The following ATP13A1 variants were observed in gnomAD, a reference collection of about 807,000 sequenced individuals.
ATP13A1 encodes the protein endoplasmic reticulum transmembrane helix translocase.
In ATP13A1, 55 loss-of-function variants were observed where a neutral mutation model predicts 134.8. The observed-to-expected ratio is 0.41, with a 90% CI of 0.33 to 0.51. ATP13A1 has a LOEUF of 0.51. Among genes scored for constraint, ATP13A1 ranks in the 20% least tolerant of loss-of-function variants. The probability of loss-of-function intolerance (pLI) is 0.29; values close to 1 mark genes in which losing one functional copy is unlikely to be tolerated. For missense variants in ATP13A1, 1,389 were observed against 1,652.8 expected, an observed-to-expected ratio of 0.84 and a Z score of 2.77; for synonymous variants, 775 against 725.1, an observed-to-expected ratio of 1.07 and a Z score of -1.10.
In ATP13A1 at chr19:19,654,610, G is replaced by A. The variant is rs756451950; in HGVS notation, c.1746C>T (p.Asp582=). Residue 582 remains aspartate, a synonymous_variant, in exon 13 of 26, where the codon GAC becomes GAT. Transcript: ENST00000357324. ...CTAGAGGGTCACCCACGAGGGTGCC[G>A]TCGTCCAGCTGCATGAGCGAGTGGC... The part of the protein sequence containing the change: ...ASCHSLMQLD[D]GTLVGDPLEK... The A allele has an allele frequency of 1.8e-5, 29 of 1,613,302 alleles. No homozygotes were observed. The highest frequency in any genetic ancestry group is 1.6e-4 in the Middle Eastern group (1 of 6,084).
In ATP13A1 at chr19:19,652,587, T is replaced by A. The variant is rs918666397; in HGVS notation, c.2226+8A>T. The A allele has an allele frequency of 1.9e-6, 3 of 1,606,714 alleles. No homozygotes were observed. The African/African-American group carries it at 4.0e-5, about 21-fold the overall frequency. On this transcript the variant is annotated splice_region_variant and intron_variant, in intron 16 of 25. Coordinates refer to ENST00000357324, the MANE Select transcript of ATP13A1 (RefSeq NM_020410.3). ...ATGCAGAGGGTGGAGCCGAGCACCG[T>A]CCCATACCCGGTGGGACGCATTCTG... is the stretch of plus-strand genomic sequence containing the variant.
At position 19,652,609 on chromosome 19, in the gene ATP13A1, T is replaced by A. The variant is rs145358693; in HGVS notation, c.2212A>T (p.Asn738Tyr). 2.1e-5 allele frequency: 33 copies of A among 1,608,668 alleles called. No individual in the cohort carries two copies. The African/African-American group carries it at 4.0e-4, about 20-fold the overall frequency. Reference protein sequence around the residue: ...DSKAVIREIQNASHRVVMITG... With the variant: ...DSKAVIREIQYASHRVVMITG... ...CCGTCCCATACCCGGTGGGACGCATTCTGGATCTCCCGGATCACGGCCTTG... is the reference window on the plus strand; with the variant it reads ...CCGTCCCATACCCGGTGGGACGCATACTGGATCTCCCGGATCACGGCCTTG... Residue 738 changes from asparagine (N) to tyrosine (Y), a missense_variant, in exon 16 of 26, where the codon AAT (asparagine) becomes TAT (tyrosine). Asn to Tyr is a moderately radical substitution (Grantham distance 143, BLOSUM62 -2). Around this residue, in one of 4 missense-constraint regions of ATP13A1, gnomAD observed 747 missense variants for 956.1 expected, o/e 0.78. Transcript: ENST00000357324.
rs1322599014 is a variant in ATP13A1 at position 19,653,480 on chromosome 19, T to A, written c.2100+304A>T. ...GTGGGCTTTGTGGAGGATGGATGGG[T>A]GAGAGGGCTGAGGATGCCACCTAGC... is the stretch of plus-strand genomic sequence containing the variant. On this transcript the variant is annotated intron_variant, in intron 15 of 25. Transcript: ENST00000357324. The surrounding 1 kb of genome is among the most constrained non-coding windows in gnomAD (Gnocchi z 4.2). 1 of 420,212 alleles carries A rather than the reference T, an allele frequency of 2.4e-6. No homozygotes were observed. The highest frequency in any genetic ancestry group is 2.0e-5 in the African/African-American group (1 of 49,036). 26.0% of individuals were successfully genotyped at this position (420,212 alleles called of 1,614,324 possible).
In ATP13A1 at chr19:19,655,051, C is replaced by T; in HGVS notation, c.1655+68G>A. On this transcript the variant is annotated intron_variant, in intron 12 of 25. Coordinates refer to ENST00000357324, the MANE Select transcript of ATP13A1 (RefSeq NM_020410.3). The surrounding 1 kb of genome is among the most constrained non-coding windows in gnomAD (Gnocchi z 5.7). ...ACTGCAAGGGCTTGGGGTGGATGGG[C>T]CACCTGTCTCTCGACTTCCCAGAAA... 6.3e-7 allele frequency: 1 copy of T among 1,589,820 alleles called. No homozygotes were observed. The highest frequency in any genetic ancestry group is 8.5e-7 in the Non-Finnish European group (1 of 1,170,770).
chr19:19,646,561 A>G (rs1387130019), intron 22 of ATP13A1: 1 of 609,646 alleles, frequency 1.6e-6, no homozygotes, highest in Non-Finnish European at 2.8e-6. Flanking sequence ...CGGCTCCGCC[A>G]TCCAGGCTCC....
chr19:19,654,235 C>G, intron 13 of ATP13A1, 91 bp from the exon 14 acceptor site: 1 of 1,322,886 alleles, frequency 7.6e-7, no homozygotes, highest in South Asian at 1.4e-5. Flanking sequence ...CCACCTCCCT[C>G]CTGCCTCCCC....
At chr19:19,654,398 G>A (rs1472297249) in intron 13 of ATP13A1, 145 bp downstream of exon 13, 2 of 1,131,782 alleles carry the variant, frequency 1.8e-6, no homozygotes, top group Admixed American at 2.9e-5. Context: ...TGGGTCTAAA[G>A]TGAGCCTCTG....
Position 19,655,496 on chromosome 19 carries a change from G to A in ATP13A1, c.1396+32C>T. 6.2e-7 allele frequency: 1 copy of A among 1,613,996 alleles called. No individual in the cohort carries two copies. The highest frequency in any genetic ancestry group is 8.5e-7 in the Non-Finnish European group (1 of 1,179,874). ...GCCAACCTGGAGCCTCGGAGGGTGG[G>A]CGCAGGGGACCACAGAGGCCGTGGC... On this transcript the variant is annotated intron_variant, in intron 10 of 25. Coordinates refer to ENST00000357324, the MANE Select transcript of ATP13A1 (RefSeq NM_020410.3). This position sits in a 1 kb window ranked among gnomAD's most constrained non-coding sequence, Gnocchi z 5.7.
chr19:19,655,480 G>A lies in ATP13A1; in HGVS notation c.1397-27C>T. 6.2e-7 allele frequency: 1 copy of A among 1,613,974 alleles called. No homozygotes were observed. The highest frequency in any genetic ancestry group is 8.5e-7 in the Non-Finnish European group (1 of 1,179,868). On this transcript the variant is annotated intron_variant, in intron 10 of 25. Coordinates refer to ENST00000357324, the MANE Select transcript of ATP13A1 (RefSeq NM_020410.3). This position sits in a 1 kb window ranked among gnomAD's most constrained non-coding sequence, Gnocchi z 5.7. ...TGTGGAGACAGGGCCTGCCAACCTG[G>A]AGCCTCGGAGGGTGGGCGCAGGGGA...
At position 19,663,280 on chromosome 19, in the gene ATP13A1, G is replaced by A. The variant is rs1419590107; in HGVS notation, c.387C>T (p.Thr129=). 1.3e-6 allele frequency: 2 copies of A among 1,582,098 alleles called. No homozygotes were observed. The highest frequency in any genetic ancestry group is 2.3e-5 in the East Asian group (1 of 42,666). ...HWSVHAHCAL[T]CTPEYDPSKA... ...GCGTGTACACACTTACCGGGGTGCA[G>A]GTGAGCGCGCAATGCGCGTGCACAG... Residue 129 remains threonine, a synonymous_variant, in exon 1 of 26, where the codon ACC becomes ACT. Coordinates refer to ENST00000357324, the MANE Select transcript of ATP13A1 (RefSeq NM_020410.3).
In ATP13A1 at chr19:19,649,426, C is replaced by T. The variant is rs1418314234; in HGVS notation, c.2632+141G>A. 3 of 897,062 alleles carry T rather than the reference C, an allele frequency of 3.3e-6. No homozygotes were observed. The South Asian group carries it at 4.8e-5, about 14-fold the overall frequency. The allele number at this position is 897,062 out of a possible 1,614,324, so 55.6% of individuals were successfully genotyped here. ...GCATCCCTTCCTGCCCTCAAAGCCC[C>T]TGACCTTGCCACCCCCTCCCATCCT... On this transcript the variant is annotated intron_variant, in intron 19 of 25. Transcript: ENST00000357324.
At chr19:19,659,498 T>C (rs1568430466) in intron 3 of ATP13A1, 103 bp downstream of exon 3, 1 of 615,664 alleles carries the variant, frequency 1.6e-6, no homozygotes, top group Non-Finnish European at 2.5e-6. Flanking sequence ...AGTAAATAAA[T>C]AAATAAAAGG....
rs748120834 is a variant in ATP13A1 at position 19,645,869 on chromosome 19, C to T, written c.3360+5G>A. On this transcript the variant is annotated splice_donor_5th_base_variant and intron_variant, in intron 24 of 25. Transcript: ENST00000357324. The surrounding 1 kb of genome is among the most constrained non-coding windows in gnomAD (Gnocchi z 4.1). ...GTGAATGTTTGGGCAGGGCCCAGGCCTTACTTTGTAATTGATGGCGAAGGT... is the reference window on the plus strand; with the variant it reads ...GTGAATGTTTGGGCAGGGCCCAGGCTTTACTTTGTAATTGATGGCGAAGGT... The T allele has an allele frequency of 6.2e-6, 10 of 1,613,698 alleles. No homozygotes were observed. In the South Asian group the frequency reaches 9.9e-5, roughly 16 times the overall value.
rs748894017 is a variant in ATP13A1 at position 19,649,557 on chromosome 19, C to A, written c.2632+10G>T. 1 of 1,612,436 alleles carries A rather than the reference C, an allele frequency of 6.2e-7. No individual in the cohort carries two copies. Among genetic ancestry groups the A allele is most frequent in the Non-Finnish European group, 8.5e-7 (1 of 1,179,204 alleles). On this transcript the variant is annotated intron_variant, in intron 19 of 25. Transcript: ENST00000357324. ...TCCACAAACGAAATACCCTAGCCCA[C>A]AGCACTCACCCACGTCAGCATGCTT...
Position 19,647,027 on chromosome 19 carries a change from G to T in ATP13A1, c.3105+102C>A. 1 of 1,299,730 alleles carries T rather than the reference G, an allele frequency of 7.7e-7. No homozygotes were observed. The highest frequency in any genetic ancestry group is 1.0e-6 in the Non-Finnish European group (1 of 952,616). 80.5% of individuals were successfully genotyped at this position (1,299,730 alleles called of 1,614,324 possible). A position where few individuals can be genotyped will look rare whatever the true frequency, so the allele number is the denominator to read the frequency against. On this transcript the variant is annotated intron_variant, in intron 22 of 25. Coordinates refer to ENST00000357324, the MANE Select transcript of ATP13A1 (RefSeq NM_020410.3). This position sits in a 1 kb window ranked among gnomAD's most constrained non-coding sequence, Gnocchi z 4.8. ...CCCAGCTACAGCCCCCATCTCTGGGGCCCTGGGTCCTGTAACTTGGGGATG... is the reference window on the plus strand; with the variant it reads ...CCCAGCTACAGCCCCCATCTCTGGGTCCCTGGGTCCTGTAACTTGGGGATG...
At chr19:19,658,757 C>T (rs1489247185) in intron 3 of ATP13A1, among the ~76,000 whole-genome samples, 2 of 152,208 alleles carry the variant, frequency 1.3e-5, no homozygotes, top group African/African-American at 4.8e-5. Context: ...TGGTCACGGT[C>T]TTCCATCACC....
chr19:19,650,152 T>C (rs2062014990), intron 17 of ATP13A1: 2 of 595,282 alleles, frequency 3.4e-6, no homozygotes, highest in Non-Finnish European at 6.0e-6. Context: ...GGGCCTGAGC[T>C]ACTTGCCTGA....
chr19:19,645,577 G>C lies in ATP13A1; in HGVS notation c.3505-45C>G. The C allele has an allele frequency of 1.3e-6, 2 of 1,564,678 alleles. No homozygotes were observed. Among genetic ancestry groups the C allele is most frequent in the Middle Eastern group, 1.7e-4 (1 of 6,010 alleles). Reference sequence around the variant, plus strand: ...TGGTGAGCTGGAGACCTGCAGCCCAGCTCAGGGTCACTGCCATAGGAGGGA... The same window carrying C: ...TGGTGAGCTGGAGACCTGCAGCCCACCTCAGGGTCACTGCCATAGGAGGGA... On this transcript the variant is annotated intron_variant, in intron 25 of 25. Transcript: ENST00000357324. The surrounding 1 kb of genome is among the most constrained non-coding windows in gnomAD (Gnocchi z 4.1).
chr19:19,646,874 TTGTGGGGCTC>T, intron 22 of ATP13A1: 1 of 540,866 alleles, frequency 1.8e-6, no homozygotes, highest in South Asian at 2.5e-5. Context: ...TGTTCCTTGC[TTGTGGGGCTC>T]TGTGGGGCCC....
Sources: allele counts gnomAD v4.1 joint callset (sites outside exome capture counted in the v4.1 genomes callset), GRCh38; gene constraint gnomAD v4.1.1; regional missense constraint gnomAD v4.1.1; non-coding constraint Gnocchi (gnomAD v3.1); transcripts MANE v1.5; gene names NCBI Gene and HGNC (gene_info 2026-07-23, HGNC 2026-07-21).